The following CLASP2 variants were observed in gnomAD, a reference collection of about 807,000 sequenced individuals.
The protein encoded by CLASP2 is cytoplasmic linker associated protein 2, also known as CLIP-associating protein 2.
In CLASP2, 47 loss-of-function variants were observed where a neutral mutation model predicts 194.4. The ratio of observed to expected loss-of-function variants is 0.24; its 90% CI spans 0.19 to 0.31. The LOEUF (loss-of-function observed/expected upper bound fraction) is 0.31, where lower values mean the gene tolerates loss of function less well. Among genes scored for constraint, CLASP2 ranks in the 10% least tolerant of loss-of-function variants. The probability of loss-of-function intolerance (pLI) is 1.00; values close to 1 mark genes in which losing one functional copy is unlikely to be tolerated. For synonymous variants in CLASP2, 619 were observed against 633.5 expected (o/e 0.98, Z 0.34); for missense variants, 1,445 against 1,823.6 (o/e 0.79, Z 3.78).
chr3:33,534,665 AATC>A (rs2056999862), intron 34 of CLASP2, among the ~76,000 whole-genome samples: 1 of 152,188 alleles, frequency 6.6e-6, no homozygotes, highest in Non-Finnish European at 1.5e-5. Context: ...TAGGTAGTAT[AATC>A]ATCATCATCC....
intron 31 of CLASP2, among the ~76,000 whole-genome samples, chr3:33,543,904 A>T (rs1051030320): frequency 2.0e-5 from 3 of 152,110 alleles, no homozygotes; most frequent in Non-Finnish European, 4.4e-5. Flanking sequence ...ACACCAAGGG[A>T]GTTAAATCTT....
At chr3:33,519,720 T>C (rs1412650722) in intron 34 of CLASP2, among the ~76,000 whole-genome samples, 1 of 152,198 alleles carries the variant, frequency 6.6e-6, no homozygotes, top group African/African-American at 2.4e-5. Context: ...CTTTTCTTTG[T>C]ACTACAGTAG....
intron 10 of CLASP2, among the ~76,000 whole-genome samples, chr3:33,626,786 C>T (rs947271896): frequency 6.9e-6 from 1 of 144,494 alleles, no homozygotes; most frequent in African/African-American, 2.9e-5. Flanking sequence ...TAGGCACCAC[C>T]TGATCAGCCA....
At chr3:33,563,514 A>C (rs987077314) in intron 27 of CLASP2, among the ~76,000 whole-genome samples, 1 of 152,158 alleles carries the variant, frequency 6.6e-6, no homozygotes, top group African/African-American at 2.4e-5. Context: ...TTTCCTGTAT[A>C]CCAGGGTTCA....
intron 23 of CLASP2, chr3:33,577,108 C>G (rs1378388090): frequency 5.1e-5 from 48 of 943,602 alleles, no homozygotes; most frequent in Non-Finnish European, 7.3e-5. Flanking sequence ...AATAAAAAAT[C>G]AATTTTAAAA....
At chr3:33,540,027 C>G (rs1430184658) in intron 32 of CLASP2, among the ~76,000 whole-genome samples, 1 of 151,634 alleles carries the variant, frequency 6.6e-6, no homozygotes, top group Non-Finnish European at 1.5e-5. Context: ...AAGCGATTCT[C>G]CAGCCTCAGC....
intron 37 of CLASP2, 162 bp from the exon 38 acceptor site, chr3:33,501,930 A>C: frequency 3.5e-6 from 2 of 567,656 alleles, no homozygotes; most frequent in Non-Finnish European, 6.3e-6. Flanking sequence ...AGCATAGACA[A>C]TGCCCTTCTC....
At chr3:33,621,563 G>A (rs1189928625) in intron 11 of CLASP2, among the ~76,000 whole-genome samples, 2 of 151,086 alleles carry the variant, frequency 1.3e-5, no homozygotes, top group Non-Finnish European at 3.0e-5. Context: ...TTTTTTCTTC[G>A]TTTCTGACTA....
intron 6 of CLASP2, among the ~76,000 whole-genome samples, chr3:33,669,352 G>C (rs1343635721): frequency 6.6e-6 from 1 of 152,060 alleles, no homozygotes; most frequent in Non-Finnish European, 1.5e-5. Flanking sequence ...TCATACATTA[G>C]GGTAAGCAAA....
intron 9 of CLASP2, among the ~76,000 whole-genome samples, chr3:33,627,500 T>TG (rs1227574472): frequency 6.6e-6 from 1 of 152,166 alleles, no homozygotes; most frequent in Non-Finnish European, 1.5e-5. Flanking sequence ...CATGATAAAC[T>TG]GTAGTCAGGA....
intron 12 of CLASP2, among the ~76,000 whole-genome samples, chr3:33,618,697 T>C (rs1394150938): frequency 6.6e-6 from 1 of 152,094 alleles, no homozygotes; most frequent in Non-Finnish European, 1.5e-5. Flanking sequence ...AAGAATATAC[T>C]ATGTATACTT....
intron 2 of CLASP2, among the ~76,000 whole-genome samples, chr3:33,692,547 G>A (rs1176448331): frequency 2.0e-5 from 3 of 152,180 alleles, no homozygotes; most frequent in Admixed American, 6.5e-5. Context: ...GAACAAGACT[G>A]TATTCCTAAC....
chr3:33,540,796 G>A (rs1336232020), intron 32 of CLASP2, among the ~76,000 whole-genome samples: 7 of 142,078 alleles, frequency 4.9e-5, no homozygotes, highest in African/African-American at 1.0e-4. Context: ...TTTTTGAGAC[G>A]GAGCCTTGCT....
At chr3:33,553,366 A>G (rs2060368945) in intron 29 of CLASP2, among the ~76,000 whole-genome samples, 1 of 152,230 alleles carries the variant, frequency 6.6e-6, no homozygotes, top group South Asian at 2.1e-4. Context: ...ATCAAACTAA[A>G]AAGCTTCTGC....
intron 27 of CLASP2, among the ~76,000 whole-genome samples, chr3:33,564,421 A>G (rs1300409060): frequency 6.6e-6 from 1 of 152,188 alleles, no homozygotes; most frequent in Non-Finnish European, 1.5e-5. Flanking sequence ...TCACTCTGAC[A>G]TATCCAAAGC....
chr3:33,603,037 G>A lies in CLASP2; in HGVS notation c.1839C>T (p.Ala613=). Residue 613 remains alanine (A), a synonymous_variant, in exon 18 of 39, where the codon GCC becomes GCT. Coordinates refer to ENST00000682230, the MANE Select transcript of CLASP2 (RefSeq NM_001365631.1). The part of the protein sequence containing the change: ...SDIDVNAAAG[A]KAHHAAGQSV... ...ACTGTCCAGCAGCATGATGTGCCTT[G>A]GCACCTGCAGCAGCATTCACATCAA... 18 of 1,605,654 alleles carry A rather than the reference G, an allele frequency of 1.1e-5. No homozygotes were observed. Among genetic ancestry groups the A allele is most frequent in the Non-Finnish European group, 1.5e-5 (18 of 1,175,862 alleles).
chr3:33,535,353 G>C lies in CLASP2; in HGVS notation c.3667C>G (p.His1223Asp). ...TAGTCTCGAGAGCGTGGAGAGGAGT[G>C]AGTAGGCATTGAATGGAGCAATGAA... The part of the protein sequence containing the change: ...KASLLHSMPT[H>D]SSPRSRDYNP... The change falls in exon 34 of 39, where the codon CAC becomes GAC. Residue 1223 changes from histidine (H) to aspartate (D), a missense_variant. By Grantham distance (81) the His-to-Asp change is moderately conservative. Coordinates refer to ENST00000682230, the MANE Select transcript of CLASP2 (RefSeq NM_001365631.1). The C allele has an allele frequency of 6.2e-7, 1 of 1,613,850 alleles. No homozygotes were observed. Among genetic ancestry groups the C allele is most frequent in the Non-Finnish European group, 8.5e-7 (1 of 1,179,830 alleles).
chr3:33,595,493 A>G (rs1397064384), intron 19 of CLASP2, among the ~76,000 whole-genome samples: 2 of 152,096 alleles, frequency 1.3e-5, no homozygotes, highest in Non-Finnish European at 2.9e-5. Context: ...CCAATTCATT[A>G]GCTATTTATT....
At chr3:33,667,184 G>C (rs1011470173) in intron 6 of CLASP2, among the ~76,000 whole-genome samples, 1 of 152,014 alleles carries the variant, frequency 6.6e-6, no homozygotes, top group Non-Finnish European at 1.5e-5. Flanking sequence ...GGCCGAGGCA[G>C]GCGGATCACT....
Sources: gnomAD v4.1 joint callset for allele counts (sites outside exome capture counted in the v4.1 genomes callset) on GRCh38, gnomAD v4.1.1 for gene constraint, MANE v1.5 for transcripts, NCBI Gene and HGNC (gene_info 2026-07-23, HGNC 2026-07-21) for gene names.